SRGAP3: variants seen among roughly 807,000 people sequenced by gnomAD.
The protein encoded by SRGAP3 is SLIT-ROBO Rho GTPase activating protein 3.
In SRGAP3, 39 loss-of-function variants were observed where a neutral mutation model predicts 121.1. The observed-to-expected ratio is 0.32, with a 90% confidence interval of 0.25 to 0.42. The LOEUF is 0.42. SRGAP3 is among the 10% of genes least tolerant of loss of function. SRGAP3 has a pLI of 1.00. For synonymous variants in SRGAP3, 601 were observed against 570.0 expected (o/e 1.05, Z -0.77); for missense variants, 1,213 against 1,470.6 (o/e 0.82, Z 2.86).
intron 3 of SRGAP3, among the ~76,000 whole-genome samples, chr3:9,100,275 C>A (rs1948166489): frequency 6.6e-6 from 1 of 152,188 alleles, no homozygotes; most frequent in Non-Finnish European, 1.5e-5. Context: ...ACCCTGAACT[C>A]CCAACCTCCT....
At chr3:9,022,617 A>G (rs2125060923) in intron 14 of SRGAP3, among the ~76,000 whole-genome samples, 1 of 152,302 alleles carries the variant, frequency 6.6e-6, no homozygotes, top group South Asian at 2.1e-4. Context: ...TGCTTGGTGA[A>G]TATCAAGGAA....
chr3:9,348,836 TACA>T, intron 1 of SRGAP3: 2 of 1,335,914 alleles, frequency 1.5e-6, no homozygotes, highest in African/African-American at 1.4e-5. Flanking sequence ...CCATCCTTTC[TACA>T]ACATCAGTAA....
chr3:9,022,054 C>A (rs1209233343), intron 14 of SRGAP3, among the ~76,000 whole-genome samples: 1 of 150,722 alleles, frequency 6.6e-6, no homozygotes, highest in African/African-American at 2.4e-5. Flanking sequence ...ACTGGCCAGG[C>A]GCAGTGGCTC....
At chr3:9,309,169 G>A (rs186718863) in intron 3 of SRGAP3, among the ~76,000 whole-genome samples, 6 of 152,314 alleles carry the variant, frequency 3.9e-5, no homozygotes, top group Admixed American at 1.3e-4. Flanking sequence ...CATGTGGGGT[G>A]AGACCCAGCC....
intron 1 of SRGAP3, among the ~76,000 whole-genome samples, chr3:9,336,898 CTCTT>C (rs1559282717): frequency 6.6e-6 from 1 of 152,004 alleles, no homozygotes; most frequent in Non-Finnish European, 1.5e-5. Flanking sequence ...TTCTCTCTCT[CTCTT>C]TTATTTTTTA....
rs1955337849 is a variant in SRGAP3 at position 9,315,985 on chromosome 3, C to G, written n.442+10025G>C. On this transcript the variant is annotated intron_variant and non_coding_transcript_variant, in intron 3 of 3. Coordinates refer to the SRGAP3 transcript ENST00000490889. ...TGTAATTTTGCTCTGTCAAATACTT[C>G]ACGAAAGTGGATCACAGGTTAGAGT... 3.9e-5 allele frequency among the ~76,000 whole-genome samples: 6 copies of G among 152,212 alleles called. No individual in the cohort carries two copies. The South Asian group carries it at 1.2e-3, about 31-fold the overall frequency.
intron 1 of SRGAP3, among the ~76,000 whole-genome samples, chr3:9,167,319 T>C (rs1950824457): frequency 6.6e-6 from 1 of 152,202 alleles, no homozygotes; most frequent in African/African-American, 2.4e-5. Context: ...CCTGCTGGTT[T>C]CCCCTCACTG....
At chr3:9,263,658 C>A (rs1482586932) in intron 3 of SRGAP3, among the ~76,000 whole-genome samples, 2 of 152,166 alleles carry the variant, frequency 1.3e-5, no homozygotes, top group Admixed American at 1.3e-4. Context: ...TACACCCTCC[C>A]AAGCCTCAAC....
At chr3:9,156,556 T>A (rs1560291104) in intron 1 of SRGAP3, among the ~76,000 whole-genome samples, 1 of 152,202 alleles carries the variant, frequency 6.6e-6, no homozygotes. Context: ...GAAGCTTTCT[T>A]TCTAACCTCC....
Position 8,985,566 on chromosome 3 carries a change from C to T in SRGAP3, c.3253G>A (p.Glu1085Lys), listed in dbSNP as rs1400909083. Residue 1085 changes from glutamate to lysine, a missense_variant, in exon 22 of 22, where the codon GAG becomes AAG. By Grantham distance (56) the Glu-to-Lys change is moderately conservative. Transcript: ENST00000383836. The surrounding 1 kb of genome is among the most constrained non-coding windows in gnomAD (Gnocchi z 5.1). ...GVGSPAVTPT[E>K]KMFPNSSADK... ...GCTGAGCTGTTGGGGAACATCTTCT[C>T]GGTGGGCGTCACGGCCGGGCTGCCC... is the stretch of plus-strand genomic sequence containing the variant. The T allele has an allele frequency of 1.3e-6, 2 of 1,598,616 alleles. No individual in the cohort carries two copies. Among genetic ancestry groups the T allele is most frequent in the East Asian group, 2.2e-5 (1 of 44,842 alleles).
intron 10 of SRGAP3, among the ~76,000 whole-genome samples, chr3:9,042,747 G>A (rs1945080770): frequency 6.6e-6 from 1 of 152,222 alleles, no homozygotes; most frequent in Admixed American, 6.5e-5. Flanking sequence ...AAGCCCTCCT[G>A]TTAGAGCTGA....
At chr3:9,355,560 A>C (rs1484312719) in intron 1 of SRGAP3, among the ~76,000 whole-genome samples, 1 of 152,156 alleles carries the variant, frequency 6.6e-6, no homozygotes, top group African/African-American at 2.4e-5. Context: ...CTATCTAAAT[A>C]GCTTGCTCTG....
intron 1 of SRGAP3, among the ~76,000 whole-genome samples, chr3:9,212,896 G>C (rs1338884899): frequency 6.6e-6 from 1 of 152,168 alleles, no homozygotes; most frequent in Non-Finnish European, 1.5e-5. Flanking sequence ...AGAGCCTCCC[G>C]GGAAACCAGG....
chr3:9,113,991 G>A (rs968414688), intron 2 of SRGAP3, among the ~76,000 whole-genome samples: 1 of 152,182 alleles, frequency 6.6e-6, no homozygotes, highest in African/African-American at 2.4e-5. Context: ...GAGCCAGAGA[G>A]CGCAGTTCAG....
intron 9 of SRGAP3, among the ~76,000 whole-genome samples, chr3:9,051,355 T>C (rs537011371): frequency 1.3e-3 from 194 of 152,316 alleles, no homozygotes; most frequent in Non-Finnish European, 2.4e-3. Context: ...TTGGCCTTGG[T>C]ATACCCATTA....
At position 9,171,800 on chromosome 3, in the gene SRGAP3, C is replaced by T. The variant is rs996711192; in HGVS notation, c.68-46883G>A. Among the ~76,000 whole-genome samples, 27 of 152,140 alleles carry T rather than the reference C, an allele frequency of 1.8e-4. No individual in the cohort carries two copies. In the East Asian group the frequency reaches 2.3e-3, roughly 13 times the overall value. On this transcript the variant is annotated intron_variant, in intron 1 of 21. Coordinates refer to ENST00000383836, the MANE Select transcript of SRGAP3 (RefSeq NM_014850.4). ...TCTGGGAGCTGGCCCAATAGCATCT[C>T]GGACTGAGTGACTTAAGCAGCCGAA...
intron 1 of SRGAP3, among the ~76,000 whole-genome samples, chr3:9,216,399 C>T (rs917563865): frequency 6.6e-6 from 1 of 152,200 alleles, no homozygotes; most frequent in African/African-American, 2.4e-5. Flanking sequence ...ACAGTCCCCA[C>T]AGTGAAGAAC....
intron 1 of SRGAP3, among the ~76,000 whole-genome samples, chr3:9,146,006 G>A (rs1050846396): frequency 2.0e-5 from 3 of 152,228 alleles, no homozygotes; most frequent in Non-Finnish European, 4.4e-5. Flanking sequence ...ATGGTGAATA[G>A]CCTTGAAGGC....
At position 9,239,117 on chromosome 3, in the gene SRGAP3, C is replaced by T. The variant is rs1953532282; in HGVS notation, c.67+9768G>A. The stretch of plus-strand genomic sequence containing the variant: ...ATGTGAGGCCGGCCGCAGTGGCTCA[C>T]ACCTATAATCCCAGCATTTTGGGAG... On this transcript the variant is annotated intron_variant, in intron 1 of 21. Transcript: ENST00000383836. The surrounding 1 kb of genome is among the most constrained non-coding windows in gnomAD (Gnocchi z 4.0). 6.6e-6 allele frequency among the ~76,000 whole-genome samples: 1 copy of T among 152,154 alleles called. No individual in the cohort carries two copies.
Sources: gnomAD v4.1 joint callset for allele counts (sites outside exome capture counted in the v4.1 genomes callset) on GRCh38, gnomAD v4.1.1 for gene constraint, Gnocchi (gnomAD v3.1) non-coding constraint, MANE v1.5 for transcripts, NCBI Gene and HGNC (gene_info 2026-07-23, HGNC 2026-07-21) for gene names.